The following PKD2 variants were observed in gnomAD, a reference collection of about 807,000 sequenced individuals.
PKD2 encodes polycystin 2, transient receptor potential cation channel.
In PKD2, 48 loss-of-function variants were observed where a neutral mutation model predicts 105.9. The observed-to-expected ratio is 0.45, with a 90% CI of 0.36 to 0.58. The LOEUF (loss-of-function observed/expected upper bound fraction) is 0.58, where lower values mean the gene tolerates loss of function less well. Ranked by LOEUF, PKD2 falls within the 20% of genes least tolerant of loss-of-function variation. The pLI, the probability that PKD2 is intolerant of heterozygous loss-of-function variation, is 0.00. For synonymous variants in PKD2, 464 were observed against 481.1 expected (o/e 0.96, Z 0.46); for missense variants, 1,078 against 1,255.3 (o/e 0.86, Z 2.13).
intron 1 of PKD2, among the ~76,000 whole-genome samples, chr4:88,008,806 G>A (rs1726291920): frequency 6.6e-6 from 1 of 152,168 alleles, no homozygotes; most frequent in Admixed American, 6.5e-5. Context: ...TAGCAGTACA[G>A]TGCATATAAT....
rs60801876 is a variant in PKD2, at chr4:88,060,441, C to CATATATATATATATATAT, written c.2020-1449_2020-1448insATATATATATATATATAT. 4.6e-3 allele frequency among the ~76,000 whole-genome samples: 681 copies of CATATATATATATATATAT among 147,422 alleles called. 11 individuals carry two copies. In the East Asian group the frequency reaches 0.054, roughly 12 times the overall value. On this transcript the variant is annotated intron_variant, in intron 9 of 14. Coordinates refer to ENST00000237596, the MANE Select transcript of PKD2 (RefSeq NM_000297.4). ...TAAGTATTTACTAAGCCACTATATC[C>CATATATATATATATATAT]ATATATATATATATATCATATATAC...
In PKD2 at chr4:88,007,685, G is replaced by A. The variant is rs1441916966; in HGVS notation, c.-49G>A. 5 of 1,122,038 alleles carry A rather than the reference G, an allele frequency of 4.5e-6. No homozygotes were observed. The highest frequency in any genetic ancestry group is 4.8e-5 in the Admixed American group (1 of 20,888). The allele number at this position is 1,122,038 out of a possible 1,614,324, so 69.5% of individuals were successfully genotyped here. A position where few individuals can be genotyped will look rare whatever the true frequency, so the allele number is the denominator to read the frequency against. On this transcript the variant is annotated 5_prime_UTR_variant, in exon 1 of 15. Coordinates refer to ENST00000237596, the MANE Select transcript of PKD2 (RefSeq NM_000297.4). The stretch of plus-strand genomic sequence containing the variant: ...AGGAACATGGCTCCTGAGGCGCACA[G>A]CGCCGAGCGCGGCGCCGCGCACCCG...
At chr4:88,058,571 A>G (rs1263474086) in intron 9 of PKD2, among the ~76,000 whole-genome samples, 1 of 152,192 alleles carries the variant, frequency 6.6e-6, no homozygotes, top group Non-Finnish European at 1.5e-5. Flanking sequence ...ATAAGAACGG[A>G]AAAGCAAGCT....
intron 4 of PKD2, among the ~76,000 whole-genome samples, chr4:88,040,223 C>T (rs1248868671): frequency 6.6e-6 from 1 of 152,158 alleles, no homozygotes; most frequent in Non-Finnish European, 1.5e-5. Flanking sequence ...CCATGTTTCG[C>T]CTACTAAACC....
chr4:88,047,016 T>G, intron 6 of PKD2, 146 bp downstream of exon 6: 2 of 694,282 alleles, frequency 2.9e-6, no homozygotes, highest in South Asian at 3.2e-5. Context: ...CTGTTACTAA[T>G]TATTTTCTCA....
intron 9 of PKD2, among the ~76,000 whole-genome samples, chr4:88,060,441 C>CATATATATATAT (rs60801876): frequency 1.2e-3 from 172 of 147,472 alleles, no homozygotes; most frequent in South Asian, 4.7e-3. Flanking sequence ...CCACTATATC[C>CATATATATATAT]ATATATATAT....
At position 88,007,684 on chromosome 4, in the gene PKD2, A is replaced by C. The variant is rs1276848600; in HGVS notation, c.-50A>C. ...AAGGAACATGGCTCCTGAGGCGCAC[A>C]GCGCCGAGCGCGGCGCCGCGCACCC... is the stretch of plus-strand genomic sequence containing the variant. On this transcript the variant is annotated 5_prime_UTR_variant, in exon 1 of 15. Coordinates refer to ENST00000237596, the MANE Select transcript of PKD2 (RefSeq NM_000297.4). The C allele has an allele frequency of 2.7e-6, 3 of 1,109,980 alleles. No individual in the cohort carries two copies. The highest frequency in any genetic ancestry group is 4.9e-5 in the Admixed American group (1 of 20,408). 68.8% of individuals were successfully genotyped at this position (1,109,980 alleles called of 1,614,324 possible).
At chr4:88,022,305 G>A (rs1011368684) in intron 2 of PKD2, among the ~76,000 whole-genome samples, 2 of 152,154 alleles carry the variant, frequency 1.3e-5, no homozygotes, top group Non-Finnish European at 2.9e-5. Context: ...CACAGTATCA[G>A]CAGAGTTATT....
chr4:88,038,413 G>A lies in PKD2; in HGVS notation c.1006G>A (p.Asp336Asn). 1 of 1,613,752 alleles carries A rather than the reference G, an allele frequency of 6.2e-7. No individual in the cohort carries two copies. The highest frequency in any genetic ancestry group is 8.5e-7 in the Non-Finnish European group (1 of 1,179,710). Residue 336 changes from aspartate (D) to asparagine (N), a missense_variant, in exon 4 of 15, where the codon GAC becomes AAC. Around this residue, in one of 2 missense-constraint regions of PKD2, gnomAD observed 868 missense variants for 1,067.3 expected, o/e 0.81. Transcript: ENST00000237596. ...VRNGSCSIPQ[D>N]LRDEIKECYD... ...AAATGGATCCTGCTCTATCCCCCAG[G>A]ACTTGAGAGATGAAATTAAAGAGTG...
intron 5 of PKD2, among the ~76,000 whole-genome samples, chr4:88,045,561 A>G (rs552950047): frequency 1.3e-5 from 2 of 152,326 alleles, no homozygotes; most frequent in African/African-American, 4.8e-5. Flanking sequence ...AAATGTCTCA[A>G]AATGAAGCAG....
chr4:88,030,788 A>G (rs1389455266), intron 2 of PKD2, among the ~76,000 whole-genome samples: 1 of 152,138 alleles, frequency 6.6e-6, no homozygotes, highest in East Asian at 1.9e-4. Flanking sequence ...GCAGCTGTGC[A>G]CCTCTCAGTG....
intron 1 of PKD2, among the ~76,000 whole-genome samples, chr4:88,010,158 A>G (rs11944153): frequency 0.027 from 4,094 of 151,894 alleles, 66 homozygotes; most frequent in South Asian, 0.047. Context: ...GCGGGGAAGC[A>G]AACGTAGCTC....
chr4:88,075,497 C>T lies in PKD2; in HGVS notation c.2710C>T (p.Gln904Ter), dbSNP rs1721197803. The change falls in exon 15 of 15, where the codon CAG becomes TAG. Residue 904 changes from glutamine (Q) to a stop codon, truncating the protein, a stop_gained. Transcript: ENST00000237596. LOFTEE classifies it high-confidence loss of function. ...LGRDSEIHRE[Q>*]MERLVREELE... ...TCGTGACAGTGAAATCCATAGGGAA[C>T]AGATGGAACGGCTAGTACGTGAAGA... 6.2e-7 allele frequency: 1 copy of T among 1,614,066 alleles called. No homozygotes were observed. The highest frequency in any genetic ancestry group is 1.1e-5 in the South Asian group (1 of 91,084).
Position 88,052,275 on chromosome 4 carries a change from A to G in PKD2, c.1716+117A>G, listed in dbSNP as rs2725210. The G allele has an allele frequency of 0.23, 159,753 of 706,462 alleles. 27,333 individuals are homozygous for G. Among genetic ancestry groups the G allele is most frequent in the African/African-American group, 0.68 (37,815 of 55,572 alleles). 43.8% of individuals were successfully genotyped at this position (706,462 alleles called of 1,614,324 possible). On this transcript the variant is annotated intron_variant, in intron 7 of 14. Coordinates refer to ENST00000237596, the MANE Select transcript of PKD2 (RefSeq NM_000297.4). ...TTCAAGTGACCAGCCAAAGCTGCTC[A>G]ATATTTACTTTGAGACAGGGTCTCA...
chr4:88,073,034 C>T, intron 13 of PKD2, among the ~76,000 whole-genome samples: 1 of 79,952 alleles, frequency 1.3e-5, no homozygotes, highest in African/African-American at 4.6e-5. Flanking sequence ...GACTCTGTCT[C>T]AAAAAAAAAA....
At chr4:88,048,594 A>G (rs1436727612) in intron 6 of PKD2, among the ~76,000 whole-genome samples, 2 of 152,104 alleles carry the variant, frequency 1.3e-5, no homozygotes, top group Non-Finnish European at 2.9e-5. Context: ...AACCCTCTTC[A>G]CTACTCTGCC....
chr4:88,034,177 TA>T (rs933698135), intron 2 of PKD2, among the ~76,000 whole-genome samples: 1 of 152,174 alleles, frequency 6.6e-6, no homozygotes, highest in Non-Finnish European at 1.5e-5. Flanking sequence ...CATTAGGTTA[TA>T]AGATGACAGG....
At chr4:88,024,498 G>A (rs1726883810) in intron 2 of PKD2, among the ~76,000 whole-genome samples, 6 of 134,404 alleles carry the variant, frequency 4.5e-5, no homozygotes, top group Admixed American at 1.5e-4. Flanking sequence ...AAAGAAGGAA[G>A]GAAGGAAAGA....
At position 88,076,854 on chromosome 4, in the gene PKD2, A is replaced by G. The variant is rs1721254082; in HGVS notation, c.*1160A>G. The G allele has an allele frequency of 6.6e-6, 1 of 152,108 alleles. No homozygotes were observed. The highest frequency in any genetic ancestry group is 1.5e-5 in the Non-Finnish European group (1 of 68,016). The allele number at this position is 152,108 out of a possible 1,614,324, so 9.4% of individuals were successfully genotyped here. A position where few individuals can be genotyped will look rare whatever the true frequency, so the allele number is the denominator to read the frequency against. On this transcript the variant is annotated 3_prime_UTR_variant, in exon 15 of 15. Coordinates refer to ENST00000237596, the MANE Select transcript of PKD2 (RefSeq NM_000297.4). ...TGCAAAAATAAAAAATATAGTACTC[A>G]AGTATTCTTGATCCTGTGTTTCAAA...
Sources: allele counts gnomAD v4.1 joint callset (sites outside exome capture counted in the v4.1 genomes callset), GRCh38; gene constraint gnomAD v4.1.1; regional missense constraint gnomAD v4.1.1; transcripts MANE v1.5; gene names NCBI Gene and HGNC (gene_info 2026-07-23, HGNC 2026-07-21).